Variants in WDR64 observed in about 807,000 individuals in gnomAD.
The protein encoded by WDR64 is WD repeat-containing protein 64.
A neutral mutation model predicts 139.3 loss-of-function variants in WDR64; 112 were observed. The ratio of observed to expected loss-of-function variants is 0.80; its 90% CI spans 0.69 to 0.94. The LOEUF (loss-of-function observed/expected upper bound fraction) is 0.94, where lower values mean the gene tolerates loss of function less well. Ranked by LOEUF, WDR64 falls within the 40% of genes least tolerant of loss-of-function variation. WDR64 has a pLI of 0.00. For synonymous variants in WDR64, 444 were observed against 437.7 expected, an observed-to-expected ratio of 1.01 and a Z score of -0.18; for missense variants, 1,206 against 1,293.1, an observed-to-expected ratio of 0.93 and a Z score of 1.03.
rs560116716 is a variant in WDR64, at chr1:241,725,835, C to T, written c.1194+2399C>T. 7.6e-4 allele frequency among the ~76,000 whole-genome samples: 116 copies of T among 152,130 alleles called. 8 individuals are homozygous for T. In the South Asian group the frequency reaches 0.023, roughly 31 times the overall value. ...ATCCCCCCACTCCAAAAAAAAAACT[C>T]TCAATTTTTTGAGACAGGATCTTGC... On this transcript the variant is annotated intron_variant, in intron 10 of 27. Transcript: ENST00000437684.
intron 8 of WDR64, among the ~76,000 whole-genome samples, chr1:241,705,014 A>G (rs1667876742): frequency 6.6e-6 from 1 of 152,170 alleles, no homozygotes; most frequent in Non-Finnish European, 1.5e-5. Flanking sequence ...GCCTTCCCCA[A>G]AATGGGAGTG....
chr1:241,716,650 TATGATGATG>T (rs10612577), intron 9 of WDR64, among the ~76,000 whole-genome samples: 5 of 151,014 alleles, frequency 3.3e-5, no homozygotes, highest in Admixed American at 6.6e-5. Flanking sequence ...TGAATCAACA[TATGATGATG>T]ATGATGATGA....
At chr1:241,789,947 GAAGCCTCCTTGAATCATATGGAAGTC>G (rs1318592046) in intron 24 of WDR64, among the ~76,000 whole-genome samples, 1 of 152,104 alleles carries the variant, frequency 6.6e-6, no homozygotes, top group African/African-American at 2.4e-5. Context: ...GACTATAAGG[GAAGCCTCCTTGAATCATATGGAAGTC>G]AAGCACTGGT....
At chr1:241,734,885 G>A (rs899344248) in intron 10 of WDR64, among the ~76,000 whole-genome samples, 4 of 152,128 alleles carry the variant, frequency 2.6e-5, no homozygotes, top group African/African-American at 9.7e-5. Flanking sequence ...GTTTGTGTAA[G>A]TATACTCTAT....
At chr1:241,787,728 G>T in intron 23 of WDR64, 121 bp from the exon 24 acceptor site, 3 of 754,554 alleles carry the variant, frequency 4.0e-6, no homozygotes, top group Non-Finnish European at 6.3e-6. Context: ...AAAGGGTCTT[G>T]AACCCAAGTA....
intron 17 of WDR64, 28 bp downstream of exon 17, chr1:241,769,533 T>C (rs769315971): frequency 2.0e-5 from 31 of 1,532,184 alleles, no homozygotes; most frequent in Non-Finnish European, 1.8e-6. Context: ...GAACCAGTAA[T>C]ACTGTCTGGG....
intron 8 of WDR64, among the ~76,000 whole-genome samples, chr1:241,709,371 G>T (rs1668077868): frequency 6.6e-6 from 1 of 152,098 alleles, no homozygotes; most frequent in Non-Finnish European, 1.5e-5. Flanking sequence ...GAGGTCTAGG[G>T]TAATAATTGC....
chr1:241,729,052 C>A (rs12129587), intron 10 of WDR64, among the ~76,000 whole-genome samples: 9,187 of 152,250 alleles, frequency 0.06, 348 homozygotes, highest in South Asian at 0.11. Flanking sequence ...TACTTCAAGT[C>A]TTCTCTTCCT....
Position 241,757,378 on chromosome 1 carries a change from G to A in WDR64, c.1866G>A (p.Met622Ile), listed in dbSNP as rs567674011. Reference protein sequence around the residue: ...QDGKHAVHLRMSTRDRNMAIP... With the variant: ...QDGKHAVHLRISTRDRNMAIP... ...GGAAACATGCTGTGCATCTGAGAAT[G>A]TCTACTAGAGACAGGAACATGGCTA... The change falls in exon 15 of 28, where the codon ATG (methionine) becomes ATA (isoleucine). Residue 622 changes from methionine (M) to isoleucine (I), a missense_variant. Physicochemically the swap from Met to Ile is conservative, Grantham distance 10 (BLOSUM62 1). Transcript: ENST00000437684. The A allele has an allele frequency of 1.2e-6, 2 of 1,614,062 alleles. No homozygotes were observed. The highest frequency in any genetic ancestry group is 1.3e-5 in the African/African-American group (1 of 75,044).
intron 16 of WDR64, among the ~76,000 whole-genome samples, chr1:241,767,061 A>T (rs1658206800): frequency 1.3e-5 from 2 of 152,130 alleles, no homozygotes; most frequent in Admixed American, 6.5e-5. Context: ...AAAGCCCTAC[A>T]TGCCTGAAAC....
chr1:241,733,620 T>G (rs1192133397), intron 10 of WDR64, among the ~76,000 whole-genome samples: 1 of 150,042 alleles, frequency 6.7e-6, no homozygotes, highest in Non-Finnish European at 1.5e-5. Context: ...TATGCACATA[T>G]TATATGAATA....
At chr1:241,692,565 A>G (rs1667340808) in intron 8 of WDR64, among the ~76,000 whole-genome samples, 1 of 152,224 alleles carries the variant, frequency 6.6e-6, no homozygotes, top group Non-Finnish European at 1.5e-5. Flanking sequence ...CAAAGAAATA[A>G]TTGATGAGCT....
rs186583190 is a variant in WDR64, at chr1:241,747,008, G to A, written c.1594+2492G>A. 5.5e-4 allele frequency among the ~76,000 whole-genome samples: 84 copies of A among 152,230 alleles called. 1 individual carries two copies. The East Asian group carries it at 0.013, about 23-fold the overall frequency. The stretch of plus-strand genomic sequence containing the variant: ...ACTCCTGACCTCAAATGATCTGCCC[G>A]CTTTGGCATCCCAAAGTGCTGGGAT... On this transcript the variant is annotated intron_variant, in intron 13 of 27. Transcript: ENST00000437684.
At position 241,717,752 on chromosome 1, in the gene WDR64, T is replaced by G. The variant is rs148703760; in HGVS notation, c.1055-5545T>G. 1.7e-3 allele frequency among the ~76,000 whole-genome samples: 261 copies of G among 152,292 alleles called. 1 individual carries two copies. The East Asian group carries it at 0.021, about 12-fold the overall frequency. On this transcript the variant is annotated intron_variant, in intron 9 of 27. Transcript: ENST00000437684. ...TCTTTACAAATAGTTGTTTACCCTC[T>G]ATATCTCCTTACCTTATTGCTACTA...
chr1:241,727,264 G>A (rs1039656117), intron 10 of WDR64, among the ~76,000 whole-genome samples: 2 of 152,180 alleles, frequency 1.3e-5, no homozygotes, highest in African/African-American at 4.8e-5. Context: ...AACATGTTAC[G>A]ATTGAGACCT....
intron 27 of WDR64, among the ~76,000 whole-genome samples, chr1:241,799,354 A>G (rs1659461183): frequency 6.6e-6 from 1 of 150,964 alleles, no homozygotes; most frequent in Non-Finnish European, 1.5e-5. Flanking sequence ...CTCAGCCTGG[A>G]TGACAGAATG....
chr1:241,744,374 T>C lies in WDR64; in HGVS notation c.1471-19T>C. ...GCTTCTTCAAACGGATTACTTGATA[T>C]TTTCGTTCTTTCCCATAGGTATGGG... On this transcript the variant is annotated intron_variant, in intron 12 of 27. Transcript: ENST00000437684. 1.2e-6 allele frequency: 2 copies of C among 1,612,918 alleles called. No individual in the cohort carries two copies. The highest frequency in any genetic ancestry group is 1.1e-5 in the South Asian group (1 of 90,772).
chr1:241,782,169 T>A (rs915610552), intron 22 of WDR64, among the ~76,000 whole-genome samples: 16 of 152,278 alleles, frequency 1.1e-4, no homozygotes, highest in African/African-American at 3.8e-4. Flanking sequence ...GTGCCGGTAG[T>A]CACAGCTACT....
At chr1:241,660,783 A>C in intron 2 of WDR64, 123 bp downstream of exon 2, 1 of 1,065,036 alleles carries the variant, frequency 9.4e-7, no homozygotes, top group Admixed American at 2.4e-5. Flanking sequence ...TGTCAGTTTC[A>C]ATACCTACAC....
Sources: allele counts gnomAD v4.1 joint callset (sites outside exome capture counted in the v4.1 genomes callset), GRCh38; gene constraint gnomAD v4.1.1; transcripts MANE v1.5; gene names NCBI Gene and HGNC (gene_info 2026-07-23, HGNC 2026-07-21).